RCAN2: variants seen among roughly 807,000 people sequenced by gnomAD.
RCAN2 encodes the protein calcipressin-2.
In RCAN2, 9 loss-of-function variants were observed where a neutral mutation model predicts 23.6. That is an observed-to-expected ratio of 0.38 (90% confidence interval 0.23 to 0.67). The LOEUF (loss-of-function observed/expected upper bound fraction) is 0.67. Among genes scored for constraint, RCAN2 ranks in the 30% least tolerant of loss-of-function variants. The probability of loss-of-function intolerance (pLI) is 0.51; values close to 1 mark genes in which losing one functional copy is unlikely to be tolerated. For missense variants in RCAN2, 273 were observed against 302.3 expected, an observed-to-expected ratio of 0.90 and a Z score of 0.72; for synonymous variants, 109 against 115.7, an observed-to-expected ratio of 0.94 and a Z score of 0.37.
intron 1 of RCAN2, among the ~76,000 whole-genome samples, chr6:46,460,180 T>A (rs1768167759): frequency 6.6e-6 from 1 of 151,964 alleles, no homozygotes; most frequent in Non-Finnish European, 1.5e-5. Context: ...CACCTCAGCC[T>A]CGTGAGTGGC....
At chr6:46,232,330 C>A (rs1177991118) in intron 4 of RCAN2, among the ~76,000 whole-genome samples, 1 of 152,176 alleles carries the variant, frequency 6.6e-6, no homozygotes, top group African/African-American at 2.4e-5. Context: ...TCCATGTCCC[C>A]GGGTAAACAG....
At position 46,340,628 on chromosome 6, in the gene RCAN2, A is replaced by G. The variant is rs574812134; in HGVS notation, c.226-91732T>C. Among the ~76,000 whole-genome samples the G allele has an allele frequency of 8.6e-5, 13 of 151,614 alleles. No homozygotes were observed. In the East Asian group the frequency reaches 2.1e-3, roughly 25 times the overall value. On this transcript the variant is annotated intron_variant, in intron 2 of 4. Coordinates refer to ENST00000371374, the MANE Select transcript of RCAN2 (RefSeq NM_001251974.2). The stretch of plus-strand genomic sequence containing the variant: ...ATGGAGCACACTCCTATTTCCTTCA[A>G]CCCCCTCTTCTATCACATTGTGATG...
intron 2 of RCAN2, among the ~76,000 whole-genome samples, chr6:46,350,692 C>T (rs1329733362): frequency 4.6e-5 from 7 of 152,316 alleles, no homozygotes; most frequent in South Asian, 4.1e-4. Context: ...TGACTTGAAA[C>T]GGCTCTTGTT....
chr6:46,337,191 G>T (rs571816581), intron 2 of RCAN2, among the ~76,000 whole-genome samples: 2 of 151,782 alleles, frequency 1.3e-5, no homozygotes, highest in African/African-American at 4.8e-5. Context: ...GAAGGGGAAG[G>T]ATAAAAAATG....
intron 2 of RCAN2, among the ~76,000 whole-genome samples, chr6:46,352,733 G>A (rs1236932783): frequency 6.6e-6 from 1 of 152,170 alleles, no homozygotes; most frequent in East Asian, 1.9e-4. Context: ...GTTGTCAGGG[G>A]AACATGAGGA....
intron 2 of RCAN2, among the ~76,000 whole-genome samples, chr6:46,354,942 T>TGTGC (rs988094195): frequency 7.3e-6 from 1 of 136,746 alleles, no homozygotes; most frequent in African/African-American, 2.6e-5. Context: ...TGTGTGTGTG[T>TGTGC]GTGTTAGGCA....
At chr6:46,347,621 AAT>A (rs1764526199) in intron 2 of RCAN2, among the ~76,000 whole-genome samples, 1 of 152,260 alleles carries the variant, frequency 6.6e-6, no homozygotes, top group Non-Finnish European at 1.5e-5. Flanking sequence ...TAGCTTTAAT[AAT>A]AGTTACCTTG....
At chr6:46,455,206 A>G (rs1767982080) in intron 2 of RCAN2, among the ~76,000 whole-genome samples, 1 of 152,238 alleles carries the variant, frequency 6.6e-6, no homozygotes, top group Admixed American at 6.5e-5. Flanking sequence ...AGAAATTGGC[A>G]TGTGCCACTT....
At chr6:46,422,208 C>T (rs1766904888) in intron 2 of RCAN2, among the ~76,000 whole-genome samples, 1 of 152,034 alleles carries the variant, frequency 6.6e-6, no homozygotes, top group African/African-American at 2.4e-5. Flanking sequence ...GTTCTCCTGC[C>T]AGCTGGTTGT....
intron 2 of RCAN2, among the ~76,000 whole-genome samples, chr6:46,315,140 A>C (rs901419908): frequency 2.6e-5 from 4 of 152,214 alleles, no homozygotes; most frequent in Non-Finnish European, 5.9e-5. Context: ...AATCTAGGCC[A>C]TCTTTTTCAA....
chr6:46,360,533 C>CA (rs765916099), intron 2 of RCAN2, among the ~76,000 whole-genome samples: 18,155 of 33,456 alleles, frequency 0.54, 6,767 homozygotes, highest in East Asian at 0.74. Flanking sequence ...GACTCCGTCT[C>CA]AAAAAAAAAA....
chr6:46,418,832 G>A (rs1431400162), intron 2 of RCAN2, among the ~76,000 whole-genome samples: 1 of 151,198 alleles, frequency 6.6e-6, no homozygotes, highest in African/African-American at 2.4e-5. Flanking sequence ...GCTCATGACT[G>A]TAATCCCAGC....
At chr6:46,260,834 G>A (rs1051204731) in intron 2 of RCAN2, among the ~76,000 whole-genome samples, 2 of 152,226 alleles carry the variant, frequency 1.3e-5, no homozygotes, top group Non-Finnish European at 2.9e-5. Context: ...CCCCAGGATG[G>A]GGAGGAGGGT....
At chr6:46,405,761 G>A (rs1766382324) in intron 2 of RCAN2, among the ~76,000 whole-genome samples, 3 of 152,204 alleles carry the variant, frequency 2.0e-5, no homozygotes, top group South Asian at 2.1e-4. Flanking sequence ...CGCACCGTGC[G>A]CTCGCACTCC....
rs926027220 is a variant in RCAN2 at position 46,256,766 on chromosome 6, T to G, written c.226-7870A>C. Among the ~76,000 whole-genome samples, 3 of 152,150 alleles carry G rather than the reference T, an allele frequency of 2.0e-5. No individual in the cohort carries two copies. The East Asian group carries it at 5.8e-4, about 29-fold the overall frequency. Reference sequence around the variant, plus strand: ...TATGGCAAAATAAAATAAAGTAAAATGGAAAACGAGAAGAGAAAAAGGGGG... The same window carrying G: ...TATGGCAAAATAAAATAAAGTAAAAGGGAAAACGAGAAGAGAAAAAGGGGG... On this transcript the variant is annotated intron_variant, in intron 2 of 4. Coordinates refer to ENST00000371374, the MANE Select transcript of RCAN2 (RefSeq NM_001251974.2).
At chr6:46,423,868 T>A (rs1221610335) in intron 2 of RCAN2, among the ~76,000 whole-genome samples, 1 of 152,210 alleles carries the variant, frequency 6.6e-6, no homozygotes, top group Non-Finnish European at 1.5e-5. Context: ...CAGTCTATAT[T>A]CATTAACTTA....
At chr6:46,317,525 G>A (rs1485791257) in intron 2 of RCAN2, among the ~76,000 whole-genome samples, 1 of 152,070 alleles carries the variant, frequency 6.6e-6, no homozygotes, top group Non-Finnish European at 1.5e-5. Flanking sequence ...GCAGTGGCAT[G>A]ATCTCGGCTC....
upstream of RCAN2, among the ~76,000 whole-genome samples, chr6:46,491,597 C>G (rs1285358408): frequency 6.6e-6 from 1 of 152,020 alleles, no homozygotes; most frequent in Non-Finnish European, 1.5e-5. Context: ...CCTGACCCGG[C>G]GCCCTCCCCA....
At chr6:46,473,650 A>G (rs1397959986) in intron 1 of RCAN2, among the ~76,000 whole-genome samples, 1 of 152,208 alleles carries the variant, frequency 6.6e-6, no homozygotes, top group African/African-American at 2.4e-5. Flanking sequence ...AAAACTATGC[A>G]TTATCCAAAA....
Sources: gnomAD v4.1 joint callset for allele counts (sites outside exome capture counted in the v4.1 genomes callset) on GRCh38, gnomAD v4.1.1 for gene constraint, MANE v1.5 for transcripts, NCBI Gene and HGNC (gene_info 2026-07-23, HGNC 2026-07-21) for gene names.